The following ABCC6 variants were observed in gnomAD, a reference collection of about 807,000 sequenced individuals.
The protein encoded by ABCC6 is ATP binding cassette subfamily C member 6, also known as ATP-binding cassette sub-family C member 6.
ABCC6 carries 126 observed loss-of-function variants against 169.5 expected under a neutral mutation model. The ratio of observed to expected loss-of-function variants is 0.74; its 90% CI spans 0.64 to 0.86. The LOEUF (loss-of-function observed/expected upper bound fraction) is 0.86. ABCC6 is among the 40% of genes least tolerant of loss of function. ABCC6 has a pLI of 0.00. For missense variants in ABCC6, 1,733 were observed against 1,927.2 expected, an observed-to-expected ratio of 0.90 and a Z score of 1.89; for synonymous variants, 752 against 814.7, an observed-to-expected ratio of 0.92 and a Z score of 1.31.
At chr16:16,175,439 C>A (rs1950454262) in intron 20 of ABCC6, among the ~76,000 whole-genome samples, 1 of 152,180 alleles carries the variant, frequency 6.6e-6, no homozygotes, top group Admixed American at 6.5e-5. Context: ...CTGGAGGGAG[C>A]TGAGAAAAGA....
chr16:16,183,237 C>A (rs1657069792), intron 15 of ABCC6, among the ~76,000 whole-genome samples: 2 of 152,154 alleles, frequency 1.3e-5, no homozygotes, highest in Admixed American at 6.5e-5. Context: ...ATGCACATAC[C>A]CAATCAATCC....
At chr16:16,213,210 C>T (rs2152294506) in intron 5 of ABCC6, among the ~76,000 whole-genome samples, 1 of 151,958 alleles carries the variant, frequency 6.6e-6, no homozygotes, top group South Asian at 2.1e-4. Context: ...TTAGTCTCCA[C>T]AGAGCTACTC....
chr16:16,177,691 C>G, intron 18 of ABCC6, 65 bp from the exon 19 acceptor site: 1 of 1,592,608 alleles, frequency 6.3e-7, no homozygotes, highest in South Asian at 1.1e-5. Context: ...GCCTGTAATC[C>G]CAACACTTTG....
chr16:16,168,263 G>A (rs935736987), intron 22 of ABCC6, among the ~76,000 whole-genome samples: 1 of 152,284 alleles, frequency 6.6e-6, no homozygotes, highest in East Asian at 1.9e-4. Flanking sequence ...AGGTTGAGGC[G>A]GAGGATTGCC....
intron 26 of ABCC6, among the ~76,000 whole-genome samples, chr16:16,158,514 C>G (rs2046620189): frequency 6.6e-6 from 1 of 152,160 alleles, no homozygotes; most frequent in Admixed American, 6.6e-5. Context: ...ATTCATCTGT[C>G]CATCTCTCAC....
intron 22 of ABCC6, among the ~76,000 whole-genome samples, chr16:16,168,810 G>A (rs4781734): frequency 0.32 from 49,287 of 151,920 alleles, 8,382 homozygotes; most frequent in Non-Finnish European, 0.38. Context: ...GCCGGGTGCG[G>A]GGGCTCACAC....
intron 7 of ABCC6, among the ~76,000 whole-genome samples, chr16:16,206,466 C>G (rs373336455): frequency 6.7e-6 from 1 of 150,214 alleles, no homozygotes; most frequent in Admixed American, 6.6e-5. Context: ...AACCCCGCCT[C>G]TAATAAAAAA....
chr16:16,157,725 A>G lies in ABCC6; in HGVS notation c.3820T>C (p.Tyr1274His), dbSNP rs995125133. Residue 1274 changes from tyrosine to histidine, a missense_variant, in exon 27 of 31, where the codon TAC (tyrosine) becomes CAC (histidine). Physicochemically the swap from Tyr to His is moderately conservative, Grantham distance 83 (BLOSUM62 2). Transcript: ENST00000205557. ...ACAGCCAGCGGGAGCTCAGGTCGGT[A>G]TCTTAGCCCAAAGTCCCGGAACTCG... ...QIEFRDFGLR[Y>H]RPELPLAVQG... 1.2e-6 allele frequency: 2 copies of G among 1,613,862 alleles called. No homozygotes were observed. Among genetic ancestry groups the G allele is most frequent in the African/African-American group, 2.7e-5 (2 of 74,878 alleles).
chr16:16,204,896 A>G lies in ABCC6; in HGVS notation c.795-1283T>C, dbSNP rs557599684. Among the ~76,000 whole-genome samples the G allele has an allele frequency of 3.8e-3, 558 of 146,792 alleles. 4 individuals are homozygous for G. The highest frequency in any genetic ancestry group is 0.013 in the African/African-American group (533 of 39,482). ...TGTCGCCCAGGCTGGAGTGCAGTGT[A>G]GCAATCTCGGCTCACCGCAACCTCT... On this transcript the variant is annotated intron_variant, in intron 7 of 30. Coordinates refer to ENST00000205557, the MANE Select transcript of ABCC6 (RefSeq NM_001171.6).
rs200485267 is a variant in ABCC6 at position 16,150,771 on chromosome 16, C to T, written c.4210G>A (p.Val1404Met). Residue 1404 changes from valine to methionine, a missense_variant and splice_region_variant, in exon 30 of 31, where the codon GTG becomes ATG. Coordinates refer to ENST00000205557, the MANE Select transcript of ABCC6 (RefSeq NM_001171.6). ...KCADRGEDLS[V>M]GQKQLLCLAR... ...AGACACAGGAGCTGTTTCTGGCCCA[C>T]GCTGGGAACGATTGGGACAATTAGC... 71 of 1,613,326 alleles carry T rather than the reference C, an allele frequency of 4.4e-5. No homozygotes were observed. Among genetic ancestry groups the T allele is most frequent in the Admixed American group, 3.7e-4 (22 of 59,940 alleles).
At chr16:16,150,432 A>G (rs2046353623) in intron 30 of ABCC6, 146 bp downstream of exon 30, 4 of 1,495,986 alleles carry the variant, frequency 2.7e-6, no homozygotes, top group Non-Finnish European at 1.8e-6. Context: ...CCCACTTGGC[A>G]TGTGTTCCCG....
chr16:16,193,303 A>C (rs913184896), intron 10 of ABCC6, among the ~76,000 whole-genome samples: 4 of 152,312 alleles, frequency 2.6e-5, no homozygotes, highest in South Asian at 4.1e-4. Context: ...GGCATGAATA[A>C]TCCACCCCTT....
chr16:16,169,731 C>T lies in ABCC6; in HGVS notation c.2910G>A (p.Leu970=). ...ASFCRGYWLS[L]WADDPAVGGQ... is the part of the protein sequence containing the mutation. ...CACCTACTGCAGGGTCGTCCGCCCACAGGCTCAGCCAGTAGCCCCGGCAGA... is the reference window on the plus strand; with the variant it reads ...CACCTACTGCAGGGTCGTCCGCCCATAGGCTCAGCCAGTAGCCCCGGCAGA... The change falls in exon 22 of 31, where the codon CTG becomes CTA. Residue 970 remains leucine (L), a synonymous_variant. Transcript: ENST00000205557. The T allele has an allele frequency of 3.7e-6, 6 of 1,609,128 alleles. No individual in the cohort carries two copies. Among genetic ancestry groups the T allele is most frequent in the Non-Finnish European group, 5.1e-6 (6 of 1,178,458 alleles).
intron 23 of ABCC6, 45 bp from the exon 24 acceptor site, chr16:16,163,237 T>TA: frequency 6.3e-7 from 1 of 1,581,106 alleles, no homozygotes; most frequent in Non-Finnish European, 8.6e-7. Context: ...GCCACAGACA[T>TA]AGAGAGGTAG....
rs1315223233 is a variant in ABCC6 at position 16,208,714 on chromosome 16, C to T, written c.794+14G>A. On this transcript the variant is annotated intron_variant, in intron 7 of 30. Transcript: ENST00000205557. ...AAGTAGCATCAGGTGAGTTCTTGAC[C>T]TCCACCCACTTACCTCCGGGCTGCA... is the stretch of plus-strand genomic sequence containing the variant. 1.9e-6 allele frequency: 3 copies of T among 1,613,394 alleles called. No individual in the cohort carries two copies. Among genetic ancestry groups the T allele is most frequent in the Non-Finnish European group, 2.5e-6 (3 of 1,179,600 alleles).
Position 16,150,322 on chromosome 16 carries a change from G to A in ABCC6, c.4404-81C>T, listed in dbSNP as rs41278170. On this transcript the variant is annotated intron_variant, in intron 30 of 30. Transcript: ENST00000205557. Reference sequence around the variant, plus strand: ...AGCTGTGAGAGCCCAGTGTGTCTGCGCTGAGGTTTTCTCCATAGAAGTCCT... The same window carrying A: ...AGCTGTGAGAGCCCAGTGTGTCTGCACTGAGGTTTTCTCCATAGAAGTCCT... The A allele has an allele frequency of 6.2e-3, 9,831 of 1,596,518 alleles. 35 individuals carry two copies. The highest frequency in any genetic ancestry group is 7.6e-3 in the Non-Finnish European group (8,942 of 1,171,194).
chr16:16,157,559 G>T, intron 27 of ABCC6, 104 bp downstream of exon 27: 1 of 1,460,244 alleles, frequency 6.8e-7, no homozygotes, highest in Non-Finnish European at 9.5e-7. Flanking sequence ...GGGACCTGAG[G>T]TGGGGACACT....
chr16:16,200,354 A>C (rs2048195991), intron 9 of ABCC6, among the ~76,000 whole-genome samples: 1 of 145,940 alleles, frequency 6.9e-6, no homozygotes, highest in Non-Finnish European at 1.5e-5. Context: ...ACTTGAACCC[A>C]GGGGGCGGAG....
At chr16:16,170,207 C>G (rs1160783729) in intron 21 of ABCC6, among the ~76,000 whole-genome samples, 3 of 151,614 alleles carry the variant, frequency 2.0e-5, no homozygotes, top group Non-Finnish European at 2.9e-5. Context: ...CTCAAGTAAT[C>G]CCCCCGCCTC....
Sources: allele counts gnomAD v4.1 joint callset (sites outside exome capture counted in the v4.1 genomes callset), GRCh38; gene constraint gnomAD v4.1.1; transcripts MANE v1.5; gene names NCBI Gene and HGNC (gene_info 2026-07-23, HGNC 2026-07-21).